The following GLRA2 variants were observed in gnomAD, a reference collection of about 807,000 sequenced individuals.
GLRA2 encodes glycine receptor alpha 2, also known as glycine receptor subunit alpha-2.
Under a neutral mutation model 31.6 loss-of-function variants are expected in GLRA2, and 11 were observed. That is an observed-to-expected ratio of 0.35 (90% CI 0.22 to 0.58). GLRA2 has a LOEUF of 0.58. Among genes scored for constraint, GLRA2 ranks in the 20% least tolerant of loss-of-function variants. The pLI, the probability that GLRA2 is intolerant of heterozygous loss-of-function variation, is 0.84. For synonymous variants in GLRA2, 132 were observed against 134.0 expected, an observed-to-expected ratio of 0.99 and a Z score of 0.10; for missense variants, 212 against 351.8, an observed-to-expected ratio of 0.60 and a Z score of 3.18.
chrX:14,690,681 G>A (rs756796135), intron 7 of GLRA2, 29 bp from the exon 8 acceptor site: 2 of 977,666 alleles, frequency 2.0e-6, no homozygotes, highest in Non-Finnish European at 2.9e-6. Context: ...CTCTCTCTGT[G>A]TGTGTGTGTG....
chrX:14,685,640 T>C (rs959083905), intron 7 of GLRA2, among the ~76,000 whole-genome samples: 6 of 112,051 alleles, frequency 5.4e-5, no homozygotes, highest in African/African-American at 1.9e-4. Context: ...GTAGTTTGTA[T>C]TTCTGTGGGA....
chrX:14,687,736 G>T (rs1007707129), intron 7 of GLRA2, among the ~76,000 whole-genome samples: 2 of 111,838 alleles, frequency 1.8e-5, no homozygotes, highest in Non-Finnish European at 3.8e-5. Context: ...TAGCTTCTTT[G>T]TGATGGGTTC....
At chrX:14,675,898 C>A (rs1243587984) in intron 7 of GLRA2, among the ~76,000 whole-genome samples, 1 of 112,295 alleles carries the variant, frequency 8.9e-6, no homozygotes, top group Non-Finnish European at 1.9e-5. Flanking sequence ...ATTCCCACCT[C>A]TGTTAATTAC....
At chrX:14,627,127 T>A (rs946798728) in intron 7 of GLRA2, among the ~76,000 whole-genome samples, 5 of 111,064 alleles carry the variant, frequency 4.5e-5, no homozygotes, top group African/African-American at 1.6e-4. Flanking sequence ...TCTCAATATT[T>A]AAAAAAATAA....
At position 14,531,483 on chromosome X, in the gene GLRA2, T is replaced by C. The variant is rs183350565; in HGVS notation, c.69-756T>C. 7.8e-3 allele frequency among the ~76,000 whole-genome samples: 866 copies of C among 111,410 alleles called. 8 individuals carry two copies. The highest frequency in any genetic ancestry group is 0.026 in the African/African-American group (807 of 30,834). On this transcript the variant is annotated intron_variant, in intron 1 of 8. Coordinates refer to ENST00000218075, the MANE Select transcript of GLRA2 (RefSeq NM_002063.4). The stretch of plus-strand genomic sequence containing the variant: ...AACAGGAAAATGAAAATCTGAGAAA[T>C]TTTTCACCAACTTTCAGTGTTTTGG...
chrX:14,683,012 C>A (rs1476989858), intron 7 of GLRA2, among the ~76,000 whole-genome samples: 1 of 111,644 alleles, frequency 9.0e-6, no homozygotes, highest in African/African-American at 3.3e-5. Flanking sequence ...AATAAACATA[C>A]GTGTGCATGT....
chrX:14,569,753 A>G (rs2089858929), intron 2 of GLRA2, among the ~76,000 whole-genome samples: 1 of 112,644 alleles, frequency 8.9e-6, no homozygotes, highest in African/African-American at 3.2e-5. Flanking sequence ...TCCACTTCTT[A>G]GTATATATCC....
chrX:14,588,612 T>C (rs1460449636), intron 4 of GLRA2, among the ~76,000 whole-genome samples: 1 of 111,909 alleles, frequency 8.9e-6, no homozygotes, highest in African/African-American at 3.2e-5. Context: ...TTTTTCTAAT[T>C]GTGTGAAAAA....
the GLRA2 span, among the ~76,000 whole-genome samples, chrX:14,458,708 T>C: frequency 8.9e-6 from 1 of 111,984 alleles, no homozygotes; most frequent in Non-Finnish European, 1.9e-5. Context: ...CGCCCACTTG[T>C]TGATGGGGTT....
At chrX:14,472,947 A>C in the GLRA2 span, among the ~76,000 whole-genome samples, 4 of 111,331 alleles carry the variant, frequency 3.6e-5, no homozygotes, top group Non-Finnish European at 7.5e-5. Flanking sequence ...AAGTGAAGTG[A>C]ACTGGGGGAT....
intron 7 of GLRA2, among the ~76,000 whole-genome samples, chrX:14,636,794 A>G (rs2090714500): frequency 8.9e-6 from 1 of 112,250 alleles, no homozygotes; most frequent in Non-Finnish European, 1.9e-5. Flanking sequence ...AACTTTCTAT[A>G]AATCTAAAAC....
chrX:14,650,584 G>C (rs1314768892), intron 7 of GLRA2, among the ~76,000 whole-genome samples: 1 of 110,885 alleles, frequency 9.0e-6, no homozygotes. Context: ...TCTACCCATT[G>C]AGAAATTCTA....
chrX:14,485,956 C>G, the GLRA2 span, among the ~76,000 whole-genome samples: 30 of 111,887 alleles, frequency 2.7e-4, no homozygotes, highest in African/African-American at 9.1e-4. Flanking sequence ...GGATGTGGAA[C>G]ATTCTGAGTT....
At chrX:14,552,272 T>C (rs750958153) in intron 2 of GLRA2, among the ~76,000 whole-genome samples, 23 of 112,020 alleles carry the variant, frequency 2.1e-4, no homozygotes, top group African/African-American at 6.8e-4. Flanking sequence ...ATAAGGGGAA[T>C]TGATAATGGC....
the GLRA2 span, among the ~76,000 whole-genome samples, chrX:14,470,174 C>T: frequency 9.0e-6 from 1 of 111,439 alleles, no homozygotes; most frequent in South Asian, 3.7e-4. Flanking sequence ...CACATTTGGC[C>T]CGTTTTCTTA....
the GLRA2 span, among the ~76,000 whole-genome samples, chrX:14,494,385 C>A: frequency 4.5e-5 from 5 of 112,072 alleles, no homozygotes; most frequent in Admixed American, 4.7e-4. Flanking sequence ...CAGATTTCAT[C>A]TGTTTTGCAA....
chrX:14,711,426 C>A (rs2091708492), intron 8 of GLRA2, among the ~76,000 whole-genome samples: 1 of 112,188 alleles, frequency 8.9e-6, no homozygotes, highest in Admixed American at 9.5e-5. Flanking sequence ...TTGAGTTGAA[C>A]AGTTTCACAT....
chrX:14,630,860 G>A (rs1343971467), intron 7 of GLRA2, among the ~76,000 whole-genome samples: 1 of 107,202 alleles, frequency 9.3e-6, no homozygotes, highest in Non-Finnish European at 1.9e-5. Context: ...ACAACGTGTG[G>A]GCGGTCTCTG....
the GLRA2 span, among the ~76,000 whole-genome samples, chrX:14,517,860 A>G: frequency 9.0e-6 from 1 of 111,673 alleles, no homozygotes; most frequent in African/African-American, 3.2e-5. Context: ...TACCAATAAT[A>G]TTTTATTTAT....
Sources: gnomAD v4.1 joint callset for allele counts (sites outside exome capture counted in the v4.1 genomes callset) on GRCh38, gnomAD v4.1.1 for gene constraint, MANE v1.5 for transcripts, NCBI Gene and HGNC (gene_info 2026-07-23, HGNC 2026-07-21) for gene names.